MAP3K5: variants seen among roughly 807,000 people sequenced by gnomAD.
The protein encoded by MAP3K5 is mitogen-activated protein kinase kinase kinase 5.
A neutral mutation model predicts 158.7 loss-of-function variants in MAP3K5; 56 were observed. The observed-to-expected ratio is 0.35, with a 90% CI of 0.28 to 0.44. The LOEUF is 0.44. Ranked by LOEUF, MAP3K5 falls within the 20% of genes least tolerant of loss-of-function variation. The pLI, the probability that MAP3K5 is intolerant of heterozygous loss-of-function variation, is 1.00. For missense variants in MAP3K5, 1,294 were observed against 1,674.8 expected (o/e 0.77, Z 3.97); for synonymous variants, 579 against 601.7 (o/e 0.96, Z 0.55).
At chr6:136,680,750 T>C (rs1779897757) in intron 7 of MAP3K5, among the ~76,000 whole-genome samples, 1 of 152,222 alleles carries the variant, frequency 6.6e-6, no homozygotes, top group Admixed American at 6.5e-5. Flanking sequence ...ATTTGATTAC[T>C]CTTAAGGGTG....
chr6:136,784,017 C>G (rs1279637771), intron 1 of MAP3K5, among the ~76,000 whole-genome samples: 1 of 152,210 alleles, frequency 6.6e-6, no homozygotes, highest in Non-Finnish European at 1.5e-5. Context: ...GGGCACAGTT[C>G]TTATAGCCAC....
intron 1 of MAP3K5, among the ~76,000 whole-genome samples, chr6:136,734,155 C>T (rs1562655933): frequency 6.6e-6 from 1 of 152,002 alleles, no homozygotes; most frequent in Admixed American, 6.6e-5. Context: ...GGTAGCTCAC[C>T]TCACCGTAAT....
intron 1 of MAP3K5, among the ~76,000 whole-genome samples, chr6:136,757,681 G>A (rs1489950263): frequency 6.7e-6 from 1 of 148,422 alleles, no homozygotes; most frequent in Non-Finnish European, 1.5e-5. Context: ...TCCACCTCCT[G>A]GTTCAAGCGA....
chr6:136,668,666 CCTAA>C (rs1779334887), intron 8 of MAP3K5, among the ~76,000 whole-genome samples: 1 of 152,022 alleles, frequency 6.6e-6, no homozygotes. Context: ...ACTAAGATGC[CCTAA>C]CTTCTTTAAA....
intron 7 of MAP3K5, among the ~76,000 whole-genome samples, chr6:136,670,946 G>A (rs148105725): frequency 5.1e-4 from 78 of 152,178 alleles, no homozygotes; most frequent in African/African-American, 1.8e-3. Context: ...TATACACCTA[G>A]ACTACAGATA....
chr6:136,719,197 A>G (rs1299742124), intron 2 of MAP3K5, among the ~76,000 whole-genome samples: 1 of 152,132 alleles, frequency 6.6e-6, no homozygotes, highest in Non-Finnish European at 1.5e-5. Context: ...AAATACATAC[A>G]TACATAAACT....
intron 19 of MAP3K5, among the ~76,000 whole-genome samples, chr6:136,603,263 C>A (rs1775957371): frequency 6.6e-6 from 1 of 151,582 alleles, no homozygotes; most frequent in African/African-American, 2.4e-5. Flanking sequence ...ACCTCCATCT[C>A]CCCAGTCCAA....
chr6:136,582,431 T>C (rs1260189585), intron 24 of MAP3K5, among the ~76,000 whole-genome samples: 1 of 152,196 alleles, frequency 6.6e-6, no homozygotes, highest in Non-Finnish European at 1.5e-5. Flanking sequence ...ATTAGCTAAA[T>C]TATTTCACTC....
intron 13 of MAP3K5, among the ~76,000 whole-genome samples, chr6:136,638,556 A>C (rs1039991382): frequency 6.6e-6 from 1 of 152,184 alleles, no homozygotes; most frequent in African/African-American, 2.4e-5. Flanking sequence ...CACACTTCAT[A>C]AATTTTAGCT....
At position 136,619,874 on chromosome 6, in the gene MAP3K5, A is replaced by G. The variant is rs1257286142; in HGVS notation, c.2150+2974T>C. ...ATGTGGAGTGCAAGAGAAAGAGAGG[A>G]ATCAAATGAATCCTGGAGGTTAGCC... On this transcript the variant is annotated intron_variant, in intron 15 of 29. Coordinates refer to ENST00000359015, the MANE Select transcript of MAP3K5 (RefSeq NM_005923.4). Among the ~76,000 whole-genome samples, 26 of 152,196 alleles carry G rather than the reference A, an allele frequency of 1.7e-4. 1 individual carries two copies. Among genetic ancestry groups the G allele is most frequent in the Admixed American group, 1.7e-3 (26 of 15,282 alleles).
intron 14 of MAP3K5, among the ~76,000 whole-genome samples, chr6:136,626,094 G>A (rs1055322429): frequency 2.6e-5 from 4 of 152,144 alleles, no homozygotes; most frequent in African/African-American, 7.2e-5. Context: ...TCATCAGATC[G>A]CTCTGCAAAC....
intron 3 of MAP3K5, 77 bp from the exon 4 acceptor site, chr6:136,698,759 A>G (rs967991307): frequency 7.5e-6 from 7 of 927,462 alleles, no homozygotes; most frequent in Non-Finnish European, 1.1e-5. Flanking sequence ...CGTCTTACTC[A>G]TTTTAAATAA....
chr6:136,592,897 T>C, intron 21 of MAP3K5: 1 of 474,604 alleles, frequency 2.1e-6, no homozygotes, highest in Non-Finnish European at 4.0e-6. Flanking sequence ...CTACTGAGGG[T>C]CTGATCCCCT....
intron 9 of MAP3K5, among the ~76,000 whole-genome samples, chr6:136,658,603 C>T (rs772329896): frequency 3.3e-5 from 5 of 152,200 alleles, no homozygotes; most frequent in Admixed American, 6.5e-5. Flanking sequence ...TGTGAGCCAC[C>T]GTGCGCCCGG....
intron 10 of MAP3K5, among the ~76,000 whole-genome samples, chr6:136,654,371 A>C (rs757527597): frequency 2.6e-5 from 4 of 152,134 alleles, no homozygotes; most frequent in Non-Finnish European, 5.9e-5. Flanking sequence ...CTTAATTTGC[A>C]TTTTCTTGAC....
rs1452836308 is a variant in MAP3K5, at chr6:136,792,190, C to A, written c.-33G>T. On this transcript the variant is annotated 5_prime_UTR_variant, in exon 1 of 30. Transcript: ENST00000359015. This position sits in a 1 kb window ranked among gnomAD's most constrained non-coding sequence, Gnocchi z 5.7. ...GGCCGGGCAGCAACGGCGGCGGCGTCCCCCGCCCAGCCGCACCGCCTGGCC... is the reference window on the plus strand; with the variant it reads ...GGCCGGGCAGCAACGGCGGCGGCGTACCCCGCCCAGCCGCACCGCCTGGCC... 1.3e-6 allele frequency: 2 copies of A among 1,524,648 alleles called. No homozygotes were observed. The highest frequency in any genetic ancestry group is 4.0e-5 in the Admixed American group (2 of 49,490). The allele number at this position is 1,524,648 out of a possible 1,614,324, so 94.4% of individuals were successfully genotyped here. A position where few individuals can be genotyped will look rare whatever the true frequency, so the allele number is the denominator to read the frequency against.
intron 13 of MAP3K5, among the ~76,000 whole-genome samples, chr6:136,637,839 T>C (rs1777720851): frequency 6.6e-6 from 1 of 152,148 alleles, no homozygotes; most frequent in South Asian, 2.1e-4. Context: ...GGTCATGCTA[T>C]GCGATGCCAG....
At chr6:136,738,554 C>A (rs1249170962) in intron 1 of MAP3K5, among the ~76,000 whole-genome samples, 1 of 152,160 alleles carries the variant, frequency 6.6e-6, no homozygotes, top group Non-Finnish European at 1.5e-5. Context: ...GTCCACAGAT[C>A]ATCACCACAG....
rs948689546 is a variant in MAP3K5 at position 136,571,354 on chromosome 6, C to T, written c.3518-3480G>A. Among the ~76,000 whole-genome samples, 8 of 152,282 alleles carry T rather than the reference C, an allele frequency of 5.3e-5. No individual in the cohort carries two copies. In the East Asian group the frequency reaches 5.8e-4, roughly 11 times the overall value. ...GTGAAAGGGATGTAGCACTCCTGCT[C>T]GCCAAGCTGTCAGCGGCAGGAGTAA... On this transcript the variant is annotated intron_variant, in intron 25 of 29. Transcript: ENST00000359015.
Sources: allele counts gnomAD v4.1 joint callset (sites outside exome capture counted in the v4.1 genomes callset), GRCh38; gene constraint gnomAD v4.1.1; non-coding constraint Gnocchi (gnomAD v3.1); transcripts MANE v1.5; gene names NCBI Gene and HGNC (gene_info 2026-07-23, HGNC 2026-07-21).